TMEM198: variants seen among roughly 807,000 people sequenced by gnomAD.
The protein encoded by TMEM198 is transmembrane protein 198.
A neutral mutation model predicts 31.5 loss-of-function variants in TMEM198; 21 were observed. The observed-to-expected ratio is 0.67, with a 90% CI of 0.47 to 0.96. The LOEUF is 0.96. Among genes scored for constraint, TMEM198 ranks in the 40% least tolerant of loss-of-function variants. The pLI is 0.00. For missense variants in TMEM198, 447 were observed against 499.4 expected (o/e 0.89, Z 1.00); for synonymous variants, 211 against 223.3 (o/e 0.95, Z 0.49).
chr2:219,545,033 G>A, intron 2 of TMEM198, 140 bp downstream of exon 2: 6 of 1,146,996 alleles, frequency 5.2e-6, no homozygotes, highest in Non-Finnish European at 6.0e-6. Flanking sequence ...TTTATAGATT[G>A]TCTAGACTCT....
intron 4 of TMEM198, 109 bp downstream of exon 4, chr2:219,549,463 G>T (rs1266302671): frequency 7.3e-7 from 1 of 1,377,628 alleles, no homozygotes; most frequent in Non-Finnish European, 9.8e-7. Flanking sequence ...AGGCCTGTTT[G>T]TCCATGAACT....
chr2:219,549,245 G>A lies in TMEM198; in HGVS notation c.836G>A (p.Arg279Gln), dbSNP rs147500070. 1.5e-5 allele frequency: 25 copies of A among 1,613,956 alleles called. No homozygotes were observed. In the African/African-American group the frequency reaches 2.0e-4, roughly 13 times the overall value. The change falls in exon 4 of 5, where the codon CGG becomes CAG. Residue 279 changes from arginine (R) to glutamine (Q), a missense_variant. Arg to Gln is a conservative substitution (Grantham distance 43). Coordinates refer to ENST00000373883, the MANE Select transcript of TMEM198 (RefSeq NM_001005209.3). ...KEKRRKKRPP[R>Q]APLRGPRAPP... Reference sequence around the variant, plus strand: ...AAAAGGCGGAAAAAGAGACCTCCTCGGGCTCCCCTCAGAGGTCCCCGGGCT... The same window carrying A: ...AAAAGGCGGAAAAAGAGACCTCCTCAGGCTCCCCTCAGAGGTCCCCGGGCT...
At chr2:219,544,979 C>T (rs10932811) in intron 2 of TMEM198, 86 bp downstream of exon 2, 634,660 of 1,446,416 alleles carry the variant, frequency 0.44, 143,834 homozygotes, top group Admixed American at 0.51. Flanking sequence ...CTCTGAATCC[C>T]TCTACCATCA....
At chr2:219,549,584 T>G in intron 4 of TMEM198, 133 bp from the exon 5 acceptor site, 1 of 1,391,086 alleles carries the variant, frequency 7.2e-7, no homozygotes, top group South Asian at 1.4e-5. Flanking sequence ...TGGTATGTGG[T>G]GGGGTCTCAG....
intron 2 of TMEM198, among the ~76,000 whole-genome samples, chr2:219,545,144 C>T (rs1695365816): frequency 1.3e-5 from 2 of 152,226 alleles, no homozygotes; most frequent in South Asian, 4.1e-4. Flanking sequence ...ATTAATCTGT[C>T]TGAGCCTCAG....
rs753016709 is a variant in TMEM198, at chr2:219,547,498, C to A, written c.167-8C>A. The A allele has an allele frequency of 7.0e-7, 1 of 1,418,770 alleles. No individual in the cohort carries two copies. The highest frequency in any genetic ancestry group is 9.2e-7 in the Non-Finnish European group (1 of 1,081,126). The allele number at this position is 1,418,770 out of a possible 1,614,324, so 87.9% of individuals were successfully genotyped here. A position where few individuals can be genotyped will look rare whatever the true frequency, so the allele number is the denominator to read the frequency against. On this transcript the variant is annotated splice_polypyrimidine_tract_variant and splice_region_variant and intron_variant, in intron 2 of 4. Transcript: ENST00000373883. ...CTTGGCCCCTCACTAGCCCCTGTTCCCCTCCAGGTTACCGCTGCTTCAAGG... is the reference window on the plus strand; with the variant it reads ...CTTGGCCCCTCACTAGCCCCTGTTCACCTCCAGGTTACCGCTGCTTCAAGG...
At position 219,550,048 on chromosome 2, in the gene TMEM198, G is replaced by C; in HGVS notation, c.*194G>C. The C allele has an allele frequency of 1.4e-6, 1 of 705,858 alleles. No individual in the cohort carries two copies. Among genetic ancestry groups the C allele is most frequent in the Non-Finnish European group, 2.3e-6 (1 of 440,970 alleles). The allele number at this position is 705,858 out of a possible 1,614,324, so 43.7% of individuals were successfully genotyped here. On this transcript the variant is annotated 3_prime_UTR_variant, in exon 5 of 5. Transcript: ENST00000373883. ...AAAGCCCCCTCCCAAGCTCCCAAGA[G>C]GCTCCTGAGGAACTCGGGGTGTGAA...
At chr2:219,543,985 CA>C (rs1287109506), upstream of TMEM198, 18 of 353,244 alleles carry the variant, frequency 5.1e-5, 1 homozygote, top group South Asian at 2.1e-4. Flanking sequence ...CATGTGACGT[CA>C]GAAGCAGCCC....
intron 4 of TMEM198, 65 bp from the exon 5 acceptor site, chr2:219,549,652 G>C: frequency 6.3e-7 from 1 of 1,594,178 alleles, no homozygotes. Flanking sequence ...TGGGAATTCA[G>C]GAAGAGGTGG....
rs1559125751 is a variant in TMEM198 at position 219,544,460 on chromosome 2, C to T, written c.-40+83C>T. ...CTTCTCACTGGCAGCACGCTCCCTT[C>T]ATCCCCCCGACTCCCGTCCCTCTTT... On this transcript the variant is annotated intron_variant, in intron 1 of 4. Transcript: ENST00000373883. The T allele has an allele frequency of 6.9e-6, 4 of 578,200 alleles. No individual in the cohort carries two copies. The African/African-American group carries it at 7.4e-5, about 11-fold the overall frequency. The allele number at this position is 578,200 out of a possible 1,614,324, so 35.8% of individuals were successfully genotyped here. A position where few individuals can be genotyped will look rare whatever the true frequency, so the allele number is the denominator to read the frequency against.
At position 219,549,993 on chromosome 2, in the gene TMEM198, A is replaced by C. The variant is rs1411495490; in HGVS notation, c.*139A>C. On this transcript the variant is annotated 3_prime_UTR_variant, in exon 5 of 5. Coordinates refer to ENST00000373883, the MANE Select transcript of TMEM198 (RefSeq NM_001005209.3). ...GCTGGCCTGGTCACTAGAAGGGAGGATTGTCTCAGGCGAGTCTTGGCCTGA... is the reference window on the plus strand; with the variant it reads ...GCTGGCCTGGTCACTAGAAGGGAGGCTTGTCTCAGGCGAGTCTTGGCCTGA... The C allele has an allele frequency of 1.8e-5, 22 of 1,195,342 alleles. No individual in the cohort carries two copies. Among genetic ancestry groups the C allele is most frequent in the Non-Finnish European group, 2.5e-5 (22 of 865,334 alleles). The allele number at this position is 1,195,342 out of a possible 1,614,324, so 74.0% of individuals were successfully genotyped here.
intron 3 of TMEM198, 101 bp downstream of exon 3, chr2:219,548,182 C>T (rs952794062): frequency 6.2e-6 from 7 of 1,123,866 alleles, no homozygotes; most frequent in African/African-American, 3.1e-5. Context: ...CAGAAGGCCT[C>T]GATGGCGGTA....
intron 2 of TMEM198, among the ~76,000 whole-genome samples, chr2:219,546,811 C>G (rs550287638): frequency 3.4e-4 from 48 of 142,968 alleles, no homozygotes; most frequent in African/African-American, 1.3e-3. Flanking sequence ...AAGAGTCTCG[C>G]TCTGTCACCC....
At chr2:219,548,843 G>A (rs564700781) in intron 3 of TMEM198, among the ~76,000 whole-genome samples, 57 of 152,278 alleles carry the variant, frequency 3.7e-4, no homozygotes, top group African/African-American at 1.4e-3. Flanking sequence ...CAGTGAAGAA[G>A]CAGCTGTGAT....
rs1291603094 is a variant in TMEM198 at position 219,547,884 on chromosome 2, C to T, written c.545C>T (p.Ala182Val). The T allele has an allele frequency of 6.3e-7, 1 of 1,595,944 alleles. No homozygotes were observed. The part of the protein sequence containing the change: ...TTLATAVTGA[A>V]LIATAADYFA... ...CTGGCCACCGCCGTGACTGGTGCTGCGCTGATCGCCACTGCCGCTGACTAC... is the reference window on the plus strand; with the variant it reads ...CTGGCCACCGCCGTGACTGGTGCTGTGCTGATCGCCACTGCCGCTGACTAC... The change falls in exon 3 of 5, where the codon GCG becomes GTG. Residue 182 changes from alanine (A) to valine (V), a missense_variant. By Grantham distance (64) the Ala-to-Val change is moderately conservative. Transcript: ENST00000373883.
upstream of TMEM198, chr2:219,543,773 C>T: frequency 2.1e-6 from 1 of 465,538 alleles, no homozygotes; most frequent in Non-Finnish European, 3.8e-6. Flanking sequence ...GGCACTGGAG[C>T]CTCAGCCGCG....
Position 219,548,100 on chromosome 2 carries a change from A to G in TMEM198, c.742+19A>G. ...ACGGAAGGTAAGGGGGCACAGGCCA[A>G]GGTGGACATGAGAGGAGTGGGTGGC... On this transcript the variant is annotated intron_variant, in intron 3 of 4. Transcript: ENST00000373883. The G allele has an allele frequency of 6.6e-7, 1 of 1,512,624 alleles. No homozygotes were observed. The highest frequency in any genetic ancestry group is 8.8e-7 in the Non-Finnish European group (1 of 1,130,076). 93.7% of individuals were successfully genotyped at this position (1,512,624 alleles called of 1,614,324 possible).
Position 219,544,854 on chromosome 2 carries a change from A to G in TMEM198, c.127A>G (p.Ile43Val), listed in dbSNP as rs2105990850. Reference sequence around the variant, plus strand: ...CCAGGCACTGCCGGCCCTCGTCTGCATCATGTGCTGTTTGTTTGGAGTCGT... The same window carrying G: ...CCAGGCACTGCCGGCCCTCGTCTGCGTCATGTGCTGTTTGTTTGGAGTCGT... Reference protein sequence around the residue: ...RYQALPALVCIMCCLFGVVYC... With the variant: ...RYQALPALVCVMCCLFGVVYC... The change falls in exon 2 of 5, where the codon ATC becomes GTC. Residue 43 changes from isoleucine to valine, a missense_variant. Physicochemically the swap from Ile to Val is conservative, Grantham distance 29. Transcript: ENST00000373883. 6.2e-7 allele frequency: 1 copy of G among 1,614,184 alleles called. No homozygotes were observed. Among genetic ancestry groups the G allele is most frequent in the Non-Finnish European group, 8.5e-7 (1 of 1,180,020 alleles).
chr2:219,545,714 A>G (rs890108700), intron 2 of TMEM198, among the ~76,000 whole-genome samples: 1 of 152,152 alleles, frequency 6.6e-6, no homozygotes, highest in African/African-American at 2.4e-5. Context: ...GGGCCCAAAG[A>G]AAGCCTCCAG....
Sources: allele counts gnomAD v4.1 joint callset (sites outside exome capture counted in the v4.1 genomes callset), GRCh38; gene constraint gnomAD v4.1.1; transcripts MANE v1.5; gene names NCBI Gene and HGNC (gene_info 2026-07-23, HGNC 2026-07-21).